IARS1: variants seen among roughly 807,000 people sequenced by gnomAD.
The protein encoded by IARS1 is isoleucyl-tRNA synthetase 1.
In IARS1, 124 loss-of-function variants were observed where a neutral mutation model predicts 168.2. The observed-to-expected ratio is 0.74, with a 90% CI of 0.64 to 0.86. The LOEUF is 0.86. Among genes scored for constraint, IARS1 ranks in the 40% least tolerant of loss-of-function variants. IARS1 has a pLI of 0.00. For synonymous variants in IARS1, 532 were observed against 529.4 expected (o/e 1.00, Z -0.07); for missense variants, 1,452 against 1,515.8 (o/e 0.96, Z 0.70).
chr9:92,289,263 C>A, intron 2 of IARS1, 38 bp downstream of exon 2: 7 of 691,990 alleles, frequency 1.0e-5, no homozygotes, highest in South Asian at 1.6e-5. Flanking sequence ...TAAGAAATGA[C>A]TATTCTTAAG....
chr9:92,284,164 G>A (rs1312541086), intron 6 of IARS1, among the ~76,000 whole-genome samples: 1 of 151,412 alleles, frequency 6.6e-6, no homozygotes, highest in Non-Finnish European at 1.5e-5. Context: ...GTGACATAGC[G>A]AGATCCTATC....
intron 2 of IARS1, among the ~76,000 whole-genome samples, chr9:92,288,897 T>C (rs1835872694): frequency 6.6e-6 from 1 of 152,096 alleles, no homozygotes; most frequent in South Asian, 2.1e-4. Context: ...ATTCTGGGAA[T>C]AGAAAGATTA....
At chr9:92,247,058 G>A (rs866012868) in intron 26 of IARS1, among the ~76,000 whole-genome samples, 2 of 152,078 alleles carry the variant, frequency 1.3e-5, no homozygotes, top group African/African-American at 4.8e-5. Context: ...GCCAGGCATG[G>A]TACTACGTGC....
intron 29 of IARS1, among the ~76,000 whole-genome samples, chr9:92,241,755 C>CTT (rs75526527): frequency 6.6e-6 from 1 of 151,958 alleles, no homozygotes; most frequent in Admixed American, 6.6e-5. Context: ...TGTAATCTTT[C>CTT]TTTTTTTGTA....
chr9:92,230,410 G>C (rs1378256752), intron 30 of IARS1, among the ~76,000 whole-genome samples: 1 of 152,120 alleles, frequency 6.6e-6, no homozygotes, highest in Non-Finnish European at 1.5e-5. Context: ...ACTGTGCCTG[G>C]CCTCAGTTGG....
chr9:92,221,316 T>C (rs1430532956), intron 33 of IARS1, among the ~76,000 whole-genome samples: 1 of 152,118 alleles, frequency 6.6e-6, no homozygotes. Flanking sequence ...GACAAGATAA[T>C]GTCTGGCAAT....
At chr9:92,211,105 T>G (rs979532156) in intron 33 of IARS1, among the ~76,000 whole-genome samples, 1 of 152,174 alleles carries the variant, frequency 6.6e-6, no homozygotes, top group Admixed American at 6.5e-5. Context: ...AACCTGACAG[T>G]TGTTGCTAAT....
intron 20 of IARS1, among the ~76,000 whole-genome samples, chr9:92,254,638 C>T (rs1166602718): frequency 1.3e-5 from 2 of 152,174 alleles, no homozygotes; most frequent in Non-Finnish European, 2.9e-5. Flanking sequence ...TTTTTACCTT[C>T]CAGGAAGCTC....
Position 92,260,167 on chromosome 9 carries a change from C to T in IARS1, c.1855G>A (p.Gly619Ser). The T allele has an allele frequency of 6.2e-7, 1 of 1,613,574 alleles. No individual in the cohort carries two copies. The highest frequency in any genetic ancestry group is 8.5e-7 in the Non-Finnish European group (1 of 1,179,490). Residue 619 changes from glycine (G) to serine (S), a missense_variant, in exon 18 of 34, where the codon GGT becomes AGT. Transcript: ENST00000443024. ...GGTTTGTACCTGAGGGCATCAGCAC[C>T]ATACTTCTGGATGATGGAAACTGGA... ...PDPVSIIQKYGADALRLYLIN... is the reference protein window; with the variant it reads ...PDPVSIIQKYSADALRLYLIN...
rs370146889 is a variant in IARS1 at position 92,289,411 on chromosome 9, T to G, written c.9A>C (p.Gln3His). Reference sequence around the variant, plus strand: ...GAAAATTTATGTTTTCTGGAACTTGTTGAAGCATTTTGTTGCTGCAAAAGA... The same window carrying G: ...GAAAATTTATGTTTTCTGGAACTTGGTGAAGCATTTTGTTGCTGCAAAAGA... MLQQVPENINFPA... is the reference protein window; with the variant it reads MLHQVPENINFPA... The change falls in exon 2 of 34, where the codon CAA (glutamine) becomes CAC (histidine). Residue 3 changes from glutamine (Q) to histidine (H), a missense_variant. Physicochemically the swap from Gln to His is conservative, Grantham distance 24. Coordinates refer to ENST00000443024, the MANE Select transcript of IARS1 (RefSeq NM_002161.6). 10 of 1,472,002 alleles carry G rather than the reference T, an allele frequency of 6.8e-6. No homozygotes were observed. The Admixed American group carries it at 1.7e-4, about 25-fold the overall frequency. 91.2% of individuals were successfully genotyped at this position (1,472,002 alleles called of 1,614,324 possible). A position where few individuals can be genotyped will look rare whatever the true frequency, so the allele number is the denominator to read the frequency against.
chr9:92,222,483 A>T, intron 33 of IARS1, 37 bp downstream of exon 33: 1 of 1,597,746 alleles, frequency 6.3e-7, no homozygotes, highest in Non-Finnish European at 8.5e-7. Context: ...TCTACTTTCA[A>T]CAAAAATAAA....
At chr9:92,237,426 G>C (rs888945122) in intron 30 of IARS1, among the ~76,000 whole-genome samples, 1 of 152,136 alleles carries the variant, frequency 6.6e-6, no homozygotes, top group Non-Finnish European at 1.5e-5. Flanking sequence ...AATTGGTTGA[G>C]GTTTGTTTTA....
At chr9:92,269,617 C>T (rs1832745405) in intron 13 of IARS1, among the ~76,000 whole-genome samples, 1 of 152,110 alleles carries the variant, frequency 6.6e-6, no homozygotes, top group South Asian at 2.1e-4. Context: ...CATTTCATTC[C>T]CTAAATCGAA....
intron 33 of IARS1, among the ~76,000 whole-genome samples, chr9:92,217,105 C>G (rs1471080759): frequency 1.3e-5 from 2 of 150,028 alleles, no homozygotes; most frequent in African/African-American, 2.4e-5. Context: ...AACTAGAACT[C>G]AGGATTAAGA....
chr9:92,282,861 T>TATATA (rs1491424150), intron 6 of IARS1, among the ~76,000 whole-genome samples: 1 of 109,720 alleles, frequency 9.1e-6, no homozygotes, highest in Non-Finnish European at 2.0e-5. Context: ...TATATATATA[T>TATATA]TTTTTTTTTT....
intron 1 of IARS1, among the ~76,000 whole-genome samples, chr9:92,292,173 A>G (rs951808840): frequency 4.6e-5 from 6 of 131,460 alleles, no homozygotes; most frequent in African/African-American, 2.1e-4. Context: ...GTGCACCACC[A>G]CACTCAGCTT....
intron 4 of IARS1, 49 bp from the exon 5 acceptor site, chr9:92,286,667 T>C (rs200804499): frequency 3.7e-5 from 37 of 997,672 alleles, no homozygotes; most frequent in Middle Eastern, 2.4e-4. Flanking sequence ...TATTTATAAT[T>C]GTACATCAAT....
At chr9:92,240,814 T>C (rs1587763154) in intron 30 of IARS1, 42 bp downstream of exon 30, 1 of 1,211,852 alleles carries the variant, frequency 8.3e-7, no homozygotes, top group Non-Finnish European at 1.2e-6. Flanking sequence ...TCCATAAGTA[T>C]AACTAAAAAA....
At position 92,265,464 on chromosome 9, in the gene IARS1, A is replaced by G. The variant is rs1832149058; in HGVS notation, c.1505+16T>C. Reference sequence around the variant, plus strand: ...GAATCGTAAAACTGAAGTGAATCGAACATTTAGAAACTGACCTCTCTCTGT... The same window carrying G: ...GAATCGTAAAACTGAAGTGAATCGAGCATTTAGAAACTGACCTCTCTCTGT... On this transcript the variant is annotated intron_variant, in intron 15 of 33. Coordinates refer to ENST00000443024, the MANE Select transcript of IARS1 (RefSeq NM_002161.6). The G allele has an allele frequency of 6.2e-7, 1 of 1,609,260 alleles. No homozygotes were observed. The highest frequency in any genetic ancestry group is 1.3e-5 in the African/African-American group (1 of 74,928).
Sources: allele counts gnomAD v4.1 joint callset (sites outside exome capture counted in the v4.1 genomes callset), GRCh38; gene constraint gnomAD v4.1.1; transcripts MANE v1.5; gene names NCBI Gene and HGNC (gene_info 2026-07-23, HGNC 2026-07-21).